The following EVL variants were observed in gnomAD, a reference collection of about 807,000 sequenced individuals.
EVL encodes the protein Enah/Vasp-like, also known as ena/VASP-like protein.
In EVL, 21 loss-of-function variants were observed where a neutral mutation model predicts 59.6. The ratio of observed to expected loss-of-function variants is 0.35; its 90% CI spans 0.25 to 0.51. The LOEUF (loss-of-function observed/expected upper bound fraction) is 0.51, where lower values mean the gene tolerates loss of function less well. EVL is among the 20% of genes least tolerant of loss of function. EVL has a pLI of 0.97. For synonymous variants in EVL, 198 were observed against 203.5 expected, an observed-to-expected ratio of 0.97 and a Z score of 0.23; for missense variants, 462 against 546.6, an observed-to-expected ratio of 0.85 and a Z score of 1.54.
intron 3 of EVL, among the ~76,000 whole-genome samples, chr14:100,118,945 G>A (rs910961216): frequency 6.6e-6 from 1 of 152,226 alleles, no homozygotes; most frequent in South Asian, 2.1e-4. Flanking sequence ...ACAGTCCAGC[G>A]GGCCCTGGAG....
chr14:100,099,129 G>C (rs981228870), intron 3 of EVL, among the ~76,000 whole-genome samples: 1 of 149,512 alleles, frequency 6.7e-6, no homozygotes, highest in African/African-American at 2.5e-5. Flanking sequence ...GATCACTTGA[G>C]GTCCGGAGTT....
chr14:100,110,600 A>G (rs908758961), intron 3 of EVL, among the ~76,000 whole-genome samples: 33 of 152,106 alleles, frequency 2.2e-4, no homozygotes, highest in Non-Finnish European at 3.5e-4. Flanking sequence ...TTGGAAGTTC[A>G]AATCAAGATC....
At chr14:100,047,489 C>T (rs2061572326) in intron 1 of EVL, among the ~76,000 whole-genome samples, 1 of 151,952 alleles carries the variant, frequency 6.6e-6, no homozygotes. Context: ...AGAGCCAGAG[C>T]TCACACTCTC....
chr14:100,143,709 C>T lies in EVL; in HGVS notation c.1228C>T (p.Gln410Ter). ...CGCCACCTGTCCCGCAGCCATCAGG[C>T]AGGAGCTGAGTGGGATCAGCACCAC... ...VKEEIIDAIR[Q>*]ELSGISTT The change falls in exon 14 of 14, where the codon CAG becomes TAG. Residue 410 changes from glutamine (Q) to a stop codon, truncating the protein, a stop_gained. Transcript: ENST00000392920. LOFTEE classifies it high-confidence loss of function. The T allele has an allele frequency of 1.2e-6, 2 of 1,612,358 alleles. No homozygotes were observed. The highest frequency in any genetic ancestry group is 1.7e-6 in the Non-Finnish European group (2 of 1,179,908).
intron 4 of EVL, among the ~76,000 whole-genome samples, chr14:100,124,856 G>A (rs1887927221): frequency 6.6e-6 from 1 of 152,188 alleles, no homozygotes; most frequent in Non-Finnish European, 1.5e-5. Flanking sequence ...TGGGCATACC[G>A]CCTGGCGGTC....
At position 99,978,995 on chromosome 14, in the gene EVL, A is replaced by G. The variant is rs143273628; in HGVS notation, c.5+6938A>G. 5.2e-3 allele frequency among the ~76,000 whole-genome samples: 798 copies of G among 152,188 alleles called. 1 individual carries two copies. The highest frequency in any genetic ancestry group is 0.024 in the Middle Eastern group (7 of 294). On this transcript the variant is annotated intron_variant, in intron 1 of 13. Coordinates refer to the EVL transcript ENST00000402714. ...GAAGTCTAAGTCTCAGTTTTTCTTT[A>G]TTTTCTAGACTACTGCCTGAATTCT... is the stretch of plus-strand genomic sequence containing the variant.
upstream of EVL, among the ~76,000 whole-genome samples, chr14:100,064,824 C>T (rs1482056144): frequency 2.0e-5 from 3 of 152,184 alleles, no homozygotes; most frequent in South Asian, 2.1e-4. Flanking sequence ...GCAGGAGAAT[C>T]GCTTGAACCC....
At chr14:100,076,812 G>T (rs2062172896) in intron 1 of EVL, among the ~76,000 whole-genome samples, 3 of 152,148 alleles carry the variant, frequency 2.0e-5, no homozygotes, top group Admixed American at 1.3e-4. Flanking sequence ...GGACACTTTG[G>T]CAAGGGCTAC....
chr14:100,092,274 C>T (rs2062580896), intron 2 of EVL, among the ~76,000 whole-genome samples: 3 of 152,040 alleles, frequency 2.0e-5, no homozygotes, highest in Admixed American at 6.5e-5. Flanking sequence ...AGGAAAAACA[C>T]TTTAGTTTTT....
At chr14:100,095,721 TTTG>T (rs59077179) in intron 2 of EVL, among the ~76,000 whole-genome samples, 1 of 151,852 alleles carries the variant, frequency 6.6e-6, no homozygotes, top group Non-Finnish European at 1.5e-5. Context: ...AATTACAGGT[TTTG>T]TTGTTGTTGT....
intron 1 of EVL, among the ~76,000 whole-genome samples, chr14:100,018,154 C>T (rs778689986): frequency 4.6e-5 from 7 of 152,224 alleles, no homozygotes; most frequent in Non-Finnish European, 1.0e-4. Context: ...GAGAGGCAAA[C>T]ACAATGTTGG....
chr14:100,119,132 G>A (rs150818979), intron 3 of EVL, among the ~76,000 whole-genome samples: 1 of 152,218 alleles, frequency 6.6e-6, no homozygotes, highest in Non-Finnish European at 1.5e-5. Context: ...CCCTGCTCTT[G>A]TTTGATGTTG....
intron 2 of EVL, among the ~76,000 whole-genome samples, chr14:100,095,293 C>T (rs1380394272): frequency 6.6e-6 from 1 of 152,080 alleles, no homozygotes; most frequent in Non-Finnish European, 1.5e-5. Flanking sequence ...TGCTACTGTC[C>T]ACTAGAAATG....
At chr14:100,102,404 G>A in intron 3 of EVL, 2 of 456,004 alleles carry the variant, frequency 4.4e-6, no homozygotes, top group South Asian at 3.1e-5. Context: ...CATGATAGAG[G>A]ATAAGTACAC....
intron 1 of EVL, among the ~76,000 whole-genome samples, chr14:100,032,840 C>G (rs923532415): frequency 3.9e-5 from 6 of 152,126 alleles, no homozygotes; most frequent in Admixed American, 3.9e-4. Flanking sequence ...ATCCTCTTAA[C>G]TAGATTGAGG....
intron 1 of EVL, among the ~76,000 whole-genome samples, chr14:100,056,253 TCTGTAGTCC>T (rs1340365623): frequency 1.3e-5 from 2 of 151,772 alleles, no homozygotes; most frequent in Admixed American, 6.6e-5. Context: ...GCCTTTTACT[TCTGTAGTCC>T]CTGTCCCTTT....
chr14:100,056,807 T>C (rs1187282000), intron 1 of EVL, among the ~76,000 whole-genome samples: 1 of 152,164 alleles, frequency 6.6e-6, no homozygotes, highest in Non-Finnish European at 1.5e-5. Flanking sequence ...TAGTAATTTG[T>C]GCACTTCTTG....
intron 1 of EVL, among the ~76,000 whole-genome samples, chr14:100,021,436 G>T (rs77551003): frequency 0.026 from 3,934 of 152,274 alleles, 78 homozygotes; most frequent in Non-Finnish European, 0.04. Context: ...TACTGGATGT[G>T]ACTGCATTTT....
chr14:100,139,170 C>G (rs573918290), intron 11 of EVL: 1 of 152,298 alleles, frequency 6.6e-6, no homozygotes, highest in Non-Finnish European at 1.5e-5. Flanking sequence ...GAGCCTGCAG[C>G]GCTCCCAGCG....
Sources: allele counts gnomAD v4.1 joint callset (sites outside exome capture counted in the v4.1 genomes callset), GRCh38; gene constraint gnomAD v4.1.1; transcripts MANE v1.5; gene names NCBI Gene and HGNC (gene_info 2026-07-23, HGNC 2026-07-21).